Variants in GNG7 observed in about 807,000 individuals in gnomAD.
GNG7 encodes the protein G protein subunit gamma 7, also known as guanine nucleotide-binding protein G(I)/G(S)/G(O) subunit gamma-7.
Under a neutral mutation model 4.0 loss-of-function variants are expected in GNG7, and 1 was observed. The ratio of observed to expected loss-of-function variants is 0.25; its 90% CI spans 0.09 to 1.18. The LOEUF is 1.18. GNG7 is among the 50% of genes most tolerant of loss of function. The pLI is 0.50. For synonymous variants in GNG7, 34 were observed against 36.9 expected (o/e 0.92, Z 0.29); for missense variants, 86 against 91.9 (o/e 0.94, Z 0.26).
At chr19:2,677,570 C>A (rs1983625764) in intron 1 of GNG7, among the ~76,000 whole-genome samples, 1 of 152,016 alleles carries the variant, frequency 6.6e-6, no homozygotes, top group South Asian at 2.1e-4. Context: ...GGGTGGATGG[C>A]AGAAACCAAG....
Position 2,512,197 on chromosome 19 carries a change from G to A in GNG7, c.*2825C>T. 2 of 985,884 alleles carry A rather than the reference G, an allele frequency of 2.0e-6. No individual in the cohort carries two copies. Among genetic ancestry groups the A allele is most frequent in the South Asian group, 4.7e-5 (1 of 21,290 alleles). 61.1% of individuals were successfully genotyped at this position (985,884 alleles called of 1,614,324 possible). A position where few individuals can be genotyped will look rare whatever the true frequency, so the allele number is the denominator to read the frequency against. Reference sequence around the variant, plus strand: ...TGCCACCCCCGCCCGCCAGCTCCCCGTCTGGAGGTGCACGCGCGCTCCTGG... The same window carrying A: ...TGCCACCCCCGCCCGCCAGCTCCCCATCTGGAGGTGCACGCGCGCTCCTGG... On this transcript the variant is annotated 3_prime_UTR_variant, in exon 5 of 5. Transcript: ENST00000382159. The surrounding 1 kb of genome is among the most constrained non-coding windows in gnomAD (Gnocchi z 4.7).
intron 1 of GNG7, among the ~76,000 whole-genome samples, chr19:2,651,021 A>G (rs1282907714): frequency 6.6e-6 from 1 of 152,128 alleles, no homozygotes; most frequent in Non-Finnish European, 1.5e-5. Flanking sequence ...CCTTCCACCC[A>G]GCAGGCAGGC....
intron 2 of GNG7, among the ~76,000 whole-genome samples, chr19:2,570,557 C>T (rs562120398): frequency 2.6e-5 from 4 of 152,016 alleles, no homozygotes; most frequent in South Asian, 2.1e-4. Flanking sequence ...CCCACTTAGC[C>T]GAGAACTCAT....
chr19:2,641,474 C>T (rs1410694404), intron 2 of GNG7, among the ~76,000 whole-genome samples: 1 of 151,588 alleles, frequency 6.6e-6, no homozygotes, highest in Non-Finnish European at 1.5e-5. Flanking sequence ...CAAACAGAGA[C>T]TGGAAGAGGC....
chr19:2,650,081 G>A (rs1568274059), intron 1 of GNG7, among the ~76,000 whole-genome samples: 2 of 152,048 alleles, frequency 1.3e-5, no homozygotes, highest in Admixed American at 6.6e-5. Flanking sequence ...AGTATGGAAG[G>A]ACGTGTTTTT....
intron 1 of GNG7, among the ~76,000 whole-genome samples, chr19:2,679,106 G>A (rs1331703376): frequency 2.0e-5 from 3 of 152,114 alleles, no homozygotes; most frequent in Non-Finnish European, 4.4e-5. Context: ...GGAATGCAGT[G>A]GTGCAATCAT....
intron 3 of GNG7, chr19:2,538,207 G>C (rs983573891): frequency 5.5e-5 from 25 of 456,634 alleles, no homozygotes; most frequent in Admixed American, 4.5e-4. Context: ...ATTGTAAAAA[G>C]AGAACATACA....
intron 2 of GNG7, among the ~76,000 whole-genome samples, chr19:2,582,656 A>ATTTTTT (rs35625825): frequency 3.9e-4 from 34 of 86,164 alleles, no homozygotes; most frequent in African/African-American, 8.3e-4. Context: ...CTAATTGTTA[A>ATTTTTT]TTTTTTTTTT....
At chr19:2,656,336 G>A (rs925941227) in intron 1 of GNG7, among the ~76,000 whole-genome samples, 7 of 152,226 alleles carry the variant, frequency 4.6e-5, no homozygotes, top group Non-Finnish European at 8.8e-5. Flanking sequence ...GGGTGCGGTG[G>A]CTCACGCCTG....
intron 1 of GNG7, among the ~76,000 whole-genome samples, chr19:2,686,239 C>G (rs951346694): frequency 6.6e-6 from 1 of 151,784 alleles, no homozygotes; most frequent in East Asian, 1.9e-4. Flanking sequence ...CTCACTGCAA[C>G]CTCCGCCACC....
At chr19:2,602,194 G>A (rs994910694) in intron 2 of GNG7, among the ~76,000 whole-genome samples, 5 of 152,156 alleles carry the variant, frequency 3.3e-5, no homozygotes, top group East Asian at 1.9e-4. Context: ...AAAATTAGCC[G>A]GGCGTGGTGG....
intron 3 of GNG7, among the ~76,000 whole-genome samples, chr19:2,553,587 G>A (rs182559241): frequency 1.2e-3 from 171 of 147,644 alleles, no homozygotes; most frequent in African/African-American, 1.9e-3. Flanking sequence ...TCACATACAC[G>A]CACATATTAC....
chr19:2,521,190 C>T (rs545311581), intron 3 of GNG7, among the ~76,000 whole-genome samples: 11 of 151,792 alleles, frequency 7.2e-5, no homozygotes, highest in South Asian at 4.2e-4. Flanking sequence ...GACGTGAACC[C>T]GGGAGGTGGA....
At chr19:2,638,807 C>A (rs1350402194) in intron 2 of GNG7, among the ~76,000 whole-genome samples, 1 of 152,078 alleles carries the variant, frequency 6.6e-6, no homozygotes, top group African/African-American at 2.4e-5. Context: ...GCCCCACTAG[C>A]ATAGTTAAAT....
intron 2 of GNG7, among the ~76,000 whole-genome samples, chr19:2,640,712 C>T (rs1487049213): frequency 6.6e-6 from 1 of 151,772 alleles, no homozygotes; most frequent in Non-Finnish European, 1.5e-5. Flanking sequence ...CTGCACCACT[C>T]GATCTCCTAG....
At chr19:2,700,642 T>C (rs1335661575) in intron 1 of GNG7, 1 of 152,198 alleles carries the variant, frequency 6.6e-6, no homozygotes, top group African/African-American at 2.4e-5. Context: ...CCTCACTATA[T>C]GCTAGGAAAT....
Position 2,600,648 on chromosome 19 carries a change from T to A in GNG7, c.-77-45460A>T, listed in dbSNP as rs554412847. 1.8e-4 allele frequency among the ~76,000 whole-genome samples: 27 copies of A among 151,668 alleles called. No individual in the cohort carries two copies. In the East Asian group the frequency reaches 2.9e-3, roughly 16 times the overall value. ...ACCACACCTGGCTAATTTTTTTTTT[T>A]AATTTTTAGTAGAGACAGGGTTTCA... On this transcript the variant is annotated intron_variant, in intron 2 of 4. Transcript: ENST00000382159.
intron 2 of GNG7, among the ~76,000 whole-genome samples, chr19:2,645,472 C>T (rs987985615): frequency 1.3e-5 from 2 of 152,048 alleles, no homozygotes; most frequent in African/African-American, 4.8e-5. Flanking sequence ...CTCCTGACCT[C>T]AGGTGATCCA....
intron 2 of GNG7, among the ~76,000 whole-genome samples, chr19:2,637,395 C>T (rs985431480): frequency 6.6e-6 from 1 of 152,056 alleles, no homozygotes; most frequent in Non-Finnish European, 1.5e-5. Flanking sequence ...TCAGAGACCC[C>T]CGCAGGCGCC....
Sources: gnomAD v4.1 joint callset for allele counts (sites outside exome capture counted in the v4.1 genomes callset) on GRCh38, gnomAD v4.1.1 for gene constraint, Gnocchi (gnomAD v3.1) non-coding constraint, MANE v1.5 for transcripts, NCBI Gene and HGNC (gene_info 2026-07-23, HGNC 2026-07-21) for gene names.